Variants in FERMT2 observed in about 807,000 individuals in gnomAD.
FERMT2 encodes fermitin family homolog 2.
In FERMT2, 15 loss-of-function variants were observed where a neutral mutation model predicts 82.7. That is an observed-to-expected ratio of 0.18 (90% confidence interval 0.12 to 0.28). The LOEUF (loss-of-function observed/expected upper bound fraction) is 0.28, where lower values mean the gene tolerates loss of function less well. Among genes scored for constraint, FERMT2 ranks in the 10% least tolerant of loss-of-function variants. The probability of loss-of-function intolerance (pLI) is 1.00; values close to 1 mark genes in which losing one functional copy is unlikely to be tolerated. For synonymous variants in FERMT2, 274 were observed against 271.5 expected, an observed-to-expected ratio of 1.01 and a Z score of -0.09; for missense variants, 645 against 809.4, an observed-to-expected ratio of 0.80 and a Z score of 2.46.
At chr14:52,934,640 T>C (rs1889752314) in intron 2 of FERMT2, among the ~76,000 whole-genome samples, 2 of 152,240 alleles carry the variant, frequency 1.3e-5, no homozygotes, top group Admixed American at 1.3e-4. Flanking sequence ...GTATGTAAGT[T>C]TACCTTCACT....
At chr14:52,903,752 A>C (rs924151242) in intron 3 of FERMT2, among the ~76,000 whole-genome samples, 3 of 152,180 alleles carry the variant, frequency 2.0e-5, no homozygotes, top group Non-Finnish European at 4.4e-5. Context: ...TACTACCCTG[A>C]TGGAGAATAT....
At chr14:52,893,599 A>G (rs995310522) in intron 3 of FERMT2, among the ~76,000 whole-genome samples, 172 bp from the exon 4 acceptor site, 1 of 152,196 alleles carries the variant, frequency 6.6e-6, no homozygotes, top group Admixed American at 6.5e-5. Flanking sequence ...TACCCAAAGC[A>G]TTCTTAATTC....
intron 2 of FERMT2, among the ~76,000 whole-genome samples, chr14:52,944,321 T>C (rs1426200297): frequency 6.6e-6 from 1 of 152,250 alleles, no homozygotes; most frequent in African/African-American, 2.4e-5. Context: ...TGTATTTCAC[T>C]ATGAATGCAA....
intron 3 of FERMT2, among the ~76,000 whole-genome samples, chr14:52,897,828 T>G (rs887408799): frequency 1.5e-4 from 23 of 151,838 alleles, no homozygotes; most frequent in African/African-American, 5.3e-4. Flanking sequence ...AATACAAAAT[T>G]AGCTGGGCAT....
At chr14:52,948,964 A>G (rs1333420486) in intron 2 of FERMT2, among the ~76,000 whole-genome samples, 1 of 152,274 alleles carries the variant, frequency 6.6e-6, no homozygotes, top group African/African-American at 2.4e-5. Context: ...ATCTCATACC[A>G]GAGCTGGACA....
chr14:52,910,572 A>C (rs545737088), intron 3 of FERMT2, among the ~76,000 whole-genome samples: 1 of 152,334 alleles, frequency 6.6e-6, no homozygotes, highest in South Asian at 2.1e-4. Context: ...AACTTCATTT[A>C]ATTATTACAC....
chr14:52,868,518 C>T (rs1207440983), intron 10 of FERMT2, among the ~76,000 whole-genome samples: 1 of 152,156 alleles, frequency 6.6e-6, no homozygotes, highest in East Asian at 1.9e-4. Flanking sequence ...GTGGTTCTTC[C>T]TTGTATCTCT....
At chr14:52,881,811 T>C (rs988697099) in intron 4 of FERMT2, 14 of 1,301,160 alleles carry the variant, frequency 1.1e-5, no homozygotes, top group Non-Finnish European at 9.0e-6. Context: ...AGAGGGCCAA[T>C]GTAAAGAACA....
chr14:52,934,401 A>C (rs1889740483), intron 2 of FERMT2, among the ~76,000 whole-genome samples: 1 of 152,250 alleles, frequency 6.6e-6, no homozygotes, highest in Non-Finnish European at 1.5e-5. Flanking sequence ...AGAATAGCTT[A>C]AATAGTGCTT....
intron 3 of FERMT2, among the ~76,000 whole-genome samples, chr14:52,913,964 T>C (rs919368784): frequency 6.6e-6 from 1 of 152,012 alleles, no homozygotes; most frequent in Non-Finnish European, 1.5e-5. Context: ...AAGAACCACA[T>C]AGGTAGGTTC....
chr14:52,950,533 G>A lies in FERMT2; in HGVS notation c.36C>T (p.Cys12=). 1.2e-6 allele frequency: 2 copies of A among 1,614,174 alleles called. No individual in the cohort carries two copies. The change falls in exon 2 of 15, where the codon TGC becomes TGT. Residue 12 remains cysteine (C), a synonymous_variant. Transcript: ENST00000341590. ...ALDGIRMPDG[C]YADGTWELSV... Reference sequence around the variant, plus strand: ...TCAGTTCCCACGTCCCGTCCGCGTAGCAGCCATCTGGCATCCTTATCCCGT... The same window carrying A: ...TCAGTTCCCACGTCCCGTCCGCGTAACAGCCATCTGGCATCCTTATCCCGT...
chr14:52,917,982 G>A (rs1888710908), intron 3 of FERMT2, among the ~76,000 whole-genome samples: 2 of 152,198 alleles, frequency 1.3e-5, no homozygotes, highest in Admixed American at 6.5e-5. Context: ...CACCAGCAAG[G>A]AAGATTGGGT....
chr14:52,897,261 AAAT>A (rs538049926), intron 3 of FERMT2, among the ~76,000 whole-genome samples: 96 of 152,316 alleles, frequency 6.3e-4, no homozygotes, highest in Middle Eastern at 6.8e-3. Flanking sequence ...AGCCCATTAT[AAAT>A]AATATTTAAT....
At position 52,875,076 on chromosome 14, in the gene FERMT2, A is replaced by C. The variant is rs556310757; in HGVS notation, c.1098+147T>G. On this transcript the variant is annotated intron_variant, in intron 8 of 14. Transcript: ENST00000341590. The stretch of plus-strand genomic sequence containing the variant: ...TCTCAAAATAAACCACTTTGCTCAA[A>C]GTTCCTGAAAAATTAACATCTGATT... The C allele has an allele frequency of 5.0e-5, 37 of 736,148 alleles. 1 individual carries two copies. The South Asian group carries it at 7.4e-4, about 15-fold the overall frequency. 45.6% of individuals were successfully genotyped at this position (736,148 alleles called of 1,614,324 possible).
At chr14:52,947,173 T>C (rs958856611) in intron 2 of FERMT2, among the ~76,000 whole-genome samples, 2 of 152,196 alleles carry the variant, frequency 1.3e-5, no homozygotes, top group African/African-American at 2.4e-5. Context: ...AAATGTGTTT[T>C]ATACTGAGAT....
intron 2 of FERMT2, among the ~76,000 whole-genome samples, chr14:52,923,731 G>A (rs142556490): frequency 5.3e-5 from 8 of 152,020 alleles, no homozygotes; most frequent in African/African-American, 1.9e-4. Flanking sequence ...CTTACTGACT[G>A]GCAACGCTGG....
At chr14:52,893,494 T>A in intron 3 of FERMT2, 67 bp from the exon 4 acceptor site, 1 of 1,232,064 alleles carries the variant, frequency 8.1e-7, no homozygotes, top group Non-Finnish European at 1.1e-6. Flanking sequence ...TTAGTAAATC[T>A]ATTGTTTCAA....
At chr14:52,896,902 G>A (rs1343699488) in intron 3 of FERMT2, among the ~76,000 whole-genome samples, 1 of 151,788 alleles carries the variant, frequency 6.6e-6, no homozygotes. Flanking sequence ...AGGCTGAGGT[G>A]GGAAGACTGC....
intron 2 of FERMT2, among the ~76,000 whole-genome samples, chr14:52,949,313 T>C (rs531037925): frequency 5.2e-4 from 77 of 147,620 alleles, no homozygotes; most frequent in African/African-American, 1.7e-3. Context: ...TGGTAAGAAA[T>C]AGATTTCCTG....
Sources: allele counts gnomAD v4.1 joint callset (sites outside exome capture counted in the v4.1 genomes callset), GRCh38; gene constraint gnomAD v4.1.1; transcripts MANE v1.5; gene names NCBI Gene and HGNC (gene_info 2026-07-23, HGNC 2026-07-21).